The following EXT2 variants were observed in gnomAD, a reference collection of about 807,000 sequenced individuals.
The protein encoded by EXT2 is exostosin-2.
In EXT2, 53 loss-of-function variants were observed where a neutral mutation model predicts 81.6. The observed-to-expected ratio is 0.65, with a 90% confidence interval of 0.52 to 0.82. The LOEUF is 0.82. EXT2 is among the 40% of genes least tolerant of loss of function. The probability of loss-of-function intolerance (pLI) is 0.00; values close to 1 mark genes in which losing one functional copy is unlikely to be tolerated. For missense variants in EXT2, 774 were observed against 910.2 expected, an observed-to-expected ratio of 0.85 and a Z score of 1.93; for synonymous variants, 320 against 340.0, an observed-to-expected ratio of 0.94 and a Z score of 0.65.
chr11:44,098,385 C>T (rs985559677), intron 1 of EXT2, among the ~76,000 whole-genome samples: 9 of 151,980 alleles, frequency 5.9e-5, no homozygotes, highest in South Asian at 4.2e-4. Context: ...TCCAGTATAG[C>T]ACAGGTTTAT....
intron 7 of EXT2, among the ~76,000 whole-genome samples, chr11:44,158,795 A>G (rs1359595891): frequency 6.6e-6 from 1 of 151,564 alleles, no homozygotes; most frequent in Admixed American, 6.6e-5. Flanking sequence ...AATTTCCTCA[A>G]TTTTTTTTCT....
chr11:44,207,595 C>G (rs575630925), intron 10 of EXT2, among the ~76,000 whole-genome samples: 1 of 152,318 alleles, frequency 6.6e-6, no homozygotes, highest in African/African-American at 2.4e-5. Flanking sequence ...ATGATGACAA[C>G]AGGCGGAGGC....
intron 6 of EXT2, 137 bp downstream of exon 6, chr11:44,127,092 G>A: frequency 8.4e-7 from 1 of 1,186,582 alleles, no homozygotes; most frequent in Non-Finnish European, 1.2e-6. Flanking sequence ...CATTAGGAGA[G>A]TTAGTACACT....
At chr11:44,239,803 A>C (rs1013802475) in intron 13 of EXT2, among the ~76,000 whole-genome samples, 2 of 150,048 alleles carry the variant, frequency 1.3e-5, no homozygotes, top group South Asian at 4.2e-4. Context: ...TGGAACTAGA[A>C]TTTCAGAAAG....
Position 44,234,223 on chromosome 11 carries a change from A to C in EXT2, c.1915A>C (p.Thr639Pro). ...IAMNFLVANV[T>P]GKAVIKVTPR... ...CATGAACTTCCTGGTGGCCAACGTC[A>C]CGGGAAAAGCAGTTATCAAGGTAGG... The change falls in exon 12 of 14, where the codon ACG becomes CCG. Residue 639 changes from threonine (T) to proline (P), a missense_variant. By Grantham distance (38) the Thr-to-Pro change is conservative. This residue lies in a region of EXT2 where 148 missense variants were observed against 239.7 expected (regional missense o/e 0.62). Transcript: ENST00000533608. 1 of 1,614,110 alleles carries C rather than the reference A, an allele frequency of 6.2e-7. No individual in the cohort carries two copies. Among genetic ancestry groups the C allele is most frequent in the Non-Finnish European group, 8.5e-7 (1 of 1,180,008 alleles).
intron 7 of EXT2, among the ~76,000 whole-genome samples, chr11:44,162,182 G>A (rs1271891835): frequency 6.6e-6 from 1 of 152,202 alleles, no homozygotes; most frequent in East Asian, 1.9e-4. Context: ...GTTAACATTA[G>A]GAGAAGCTGG....
At chr11:44,217,576 A>G (rs1955734671) in intron 10 of EXT2, among the ~76,000 whole-genome samples, 1 of 152,142 alleles carries the variant, frequency 6.6e-6, no homozygotes, top group African/African-American at 2.4e-5. Context: ...TAATTTATTT[A>G]TCTGTTTATG....
chr11:44,129,266 T>C (rs1281457989), intron 6 of EXT2, among the ~76,000 whole-genome samples: 1 of 152,252 alleles, frequency 6.6e-6, no homozygotes, highest in Non-Finnish European at 1.5e-5. Context: ...TTAGGTTATA[T>C]CATGCTTTTG....
chr11:44,154,240 A>G (rs1160370666), intron 7 of EXT2, among the ~76,000 whole-genome samples: 3 of 152,044 alleles, frequency 2.0e-5, no homozygotes, highest in Non-Finnish European at 4.4e-5. Context: ...TATCTTATTT[A>G]TTCTATCTAA....
At chr11:44,119,677 C>G (rs964283272) in intron 4 of EXT2, among the ~76,000 whole-genome samples, 1 of 152,230 alleles carries the variant, frequency 6.6e-6, no homozygotes, top group Non-Finnish European at 1.5e-5. Flanking sequence ...GGAACCCTCT[C>G]CAAATCCAAG....
intron 10 of EXT2, among the ~76,000 whole-genome samples, chr11:44,207,898 C>T (rs1378357420): frequency 6.6e-6 from 1 of 151,898 alleles, no homozygotes; most frequent in African/African-American, 2.4e-5. Flanking sequence ...AAATTAAAAG[C>T]TCAAGTTTTC....
In EXT2 at chr11:44,250,822, G is replaced by A. The variant is rs1564993911; in HGVS notation, c.*6535G>A. Among the ~76,000 whole-genome samples, 1 of 152,218 alleles carries A rather than the reference G, an allele frequency of 6.6e-6. No individual in the cohort carries two copies. The highest frequency in any genetic ancestry group is 1.5e-5 in the Non-Finnish European group (1 of 68,044). ...AATAGAAAGGGTTATATGCAACCCTGTATCTGCTGATTTTCAGGTTTCAAC... is the reference window on the plus strand; with the variant it reads ...AATAGAAAGGGTTATATGCAACCCTATATCTGCTGATTTTCAGGTTTCAAC... On this transcript the variant is annotated 3_prime_UTR_variant, in exon 14 of 14. Transcript: ENST00000533608.
intron 7 of EXT2, among the ~76,000 whole-genome samples, chr11:44,159,175 C>G (rs1954896655): frequency 7.0e-6 from 1 of 143,702 alleles, no homozygotes; most frequent in African/African-American, 2.6e-5. Context: ...CTTCCTGGAT[C>G]TGTAGTTTGG....
At chr11:44,237,154 A>C (rs954804562) in intron 13 of EXT2, among the ~76,000 whole-genome samples, 12 of 152,134 alleles carry the variant, frequency 7.9e-5, no homozygotes, top group African/African-American at 2.4e-4. Flanking sequence ...TCAGATAAGG[A>C]TATAGTAGCC....
intron 13 of EXT2, among the ~76,000 whole-genome samples, chr11:44,236,728 G>A (rs1369773462): frequency 1.3e-5 from 2 of 152,136 alleles, no homozygotes; most frequent in South Asian, 2.1e-4. Context: ...ATAGCTCCAC[G>A]TTATAGTAAA....
chr11:44,240,812 A>G (rs1046248151), intron 13 of EXT2, among the ~76,000 whole-genome samples: 1 of 152,192 alleles, frequency 6.6e-6, no homozygotes. Context: ...GAGTTAAGCC[A>G]TCTTGGGTAG....
At chr11:44,099,880 A>G (rs1953957444) in intron 1 of EXT2, among the ~76,000 whole-genome samples, 1 of 151,626 alleles carries the variant, frequency 6.6e-6, no homozygotes, top group African/African-American at 2.4e-5. Context: ...CATTTCTTCT[A>G]TTGTTTATTC....
chr11:44,147,259 A>G (rs115264635), intron 7 of EXT2, among the ~76,000 whole-genome samples: 2,727 of 152,306 alleles, frequency 0.018, 88 homozygotes, highest in African/African-American at 0.061. Flanking sequence ...AAATTATAGA[A>G]TTGTAGTCTC....
chr11:44,198,129 G>A (rs1590640256), intron 9 of EXT2, 111 bp downstream of exon 9: 2 of 1,076,072 alleles, frequency 1.9e-6, no homozygotes, highest in Middle Eastern at 2.2e-4. Flanking sequence ...TACCATTTCT[G>A]AGACAGCATG....
Sources: gnomAD v4.1 joint callset for allele counts (sites outside exome capture counted in the v4.1 genomes callset) on GRCh38, gnomAD v4.1.1 for gene constraint, gnomAD v4.1.1 regional missense constraint, MANE v1.5 for transcripts, NCBI Gene and HGNC (gene_info 2026-07-23, HGNC 2026-07-21) for gene names.